ZNF736: variants seen among roughly 807,000 people sequenced by gnomAD.
ZNF736 encodes the protein KRAB-containing zinc-finger repressor protein.
Under a neutral mutation model 11.7 loss-of-function variants are expected in ZNF736, and 6 were observed. The ratio of observed to expected loss-of-function variants is 0.51; its 90% CI spans 0.28 to 1.01. ZNF736 has a LOEUF of 1.01. Ranked by LOEUF, ZNF736 falls within the 50% of genes least tolerant of loss-of-function variation. The pLI, the probability that ZNF736 is intolerant of heterozygous loss-of-function variation, is 0.09. For missense variants in ZNF736, 444 were observed against 496.0 expected (o/e 0.90, Z 1.00); for synonymous variants, 139 against 164.7 (o/e 0.84, Z 1.19).
At chr7:64,320,227 G>A (rs535248278) in intron 1 of ZNF736, among the ~76,000 whole-genome samples, 88 of 152,272 alleles carry the variant, frequency 5.8e-4, no homozygotes, top group African/African-American at 1.9e-3. Flanking sequence ...CTGCAAGTGG[G>A]TTGCAATCTA....
chr7:64,340,707 T>C (rs1455103746), intron 3 of ZNF736, among the ~76,000 whole-genome samples: 2 of 152,172 alleles, frequency 1.3e-5, no homozygotes, highest in Non-Finnish European at 2.9e-5. Context: ...ACCATGTCTG[T>C]CAACATAATG....
At position 64,350,332 on chromosome 7, in the gene ZNF736, T is replaced by C. The variant is rs1450738908; in HGVS notation, c.*1185T>C. The C allele has an allele frequency of 1.3e-5, 2 of 152,238 alleles. No homozygotes were observed. The highest frequency in any genetic ancestry group is 2.4e-5 in the African/African-American group (1 of 41,466). The allele number at this position is 152,238 out of a possible 1,614,324, so 9.4% of individuals were successfully genotyped here. A position where few individuals can be genotyped will look rare whatever the true frequency, so the allele number is the denominator to read the frequency against. ...GAGGCCCTGAGATTCTTTCCTCTGCTTGGCCTATTCTGCTGTTAATATATG... is the reference window on the plus strand; with the variant it reads ...GAGGCCCTGAGATTCTTTCCTCTGCCTGGCCTATTCTGCTGTTAATATATG... On this transcript the variant is annotated 3_prime_UTR_variant, in exon 4 of 4. Coordinates refer to ENST00000423484, the MANE Select transcript of ZNF736 (RefSeq NM_001170905.3).
chr7:64,336,694 A>G (rs187981179), intron 2 of ZNF736, among the ~76,000 whole-genome samples, 193 bp from the exon 3 acceptor site: 17 of 152,330 alleles, frequency 1.1e-4, no homozygotes, highest in East Asian at 3.9e-4. Flanking sequence ...ATTCAGTATT[A>G]CTGGGTAATA....
chr7:64,353,128 CTTGGTGAAG>C lies in ZNF736; in HGVS notation c.*3983_*3991del, dbSNP rs1427532220. On this transcript the variant is annotated 3_prime_UTR_variant, in exon 4 of 4. Coordinates refer to ENST00000423484, the MANE Select transcript of ZNF736 (RefSeq NM_001170905.3). ...TAGCTCTGTGTGTTAAACTGAAGGC[CTTGGTGAAG>C]TGGGTTCATGAGGGTATCTCCTCAC... is the stretch of plus-strand genomic sequence containing the variant. 5.3e-5 allele frequency: 8 copies of C among 152,142 alleles called. No individual in the cohort carries two copies. The highest frequency in any genetic ancestry group is 1.9e-4 in the African/African-American group (8 of 41,412). The allele number at this position is 152,142 out of a possible 1,614,324, so 9.4% of individuals were successfully genotyped here.
At chr7:64,337,786 C>CTTTTTTTTTTT in intron 3 of ZNF736, among the ~76,000 whole-genome samples, 1 of 93,126 alleles carries the variant, frequency 1.1e-5, no homozygotes, top group Non-Finnish European at 2.1e-5. Flanking sequence ...CAGAGTTTTG[C>CTTTTTTTTTTT]TCTTGTTGCC....
chr7:64,336,486 CCTG>C (rs1479125065), intron 2 of ZNF736, 101 bp downstream of exon 2: 4 of 1,305,706 alleles, frequency 3.1e-6, no homozygotes, highest in Admixed American at 6.3e-5. Context: ...GTTTCAGAAT[CCTG>C]CTTCAAAAAG....
chr7:64,344,944 A>T (rs1789387158), intron 3 of ZNF736, among the ~76,000 whole-genome samples: 1 of 148,740 alleles, frequency 6.7e-6, no homozygotes, highest in African/African-American at 2.5e-5. Flanking sequence ...CAGGCTTTTC[A>T]TGTTACCTTG....
chr7:64,344,687 A>C (rs776294), intron 3 of ZNF736, among the ~76,000 whole-genome samples: 148,513 of 152,268 alleles, frequency 0.98, 72,501 homozygotes, highest in Non-Finnish European at 1. Context: ...TTTATCGATT[A>C]ATTTGGTAAG....
At chr7:64,334,938 A>G (rs979764040) in intron 1 of ZNF736, among the ~76,000 whole-genome samples, 1 of 152,230 alleles carries the variant, frequency 6.6e-6, no homozygotes, top group Non-Finnish European at 1.5e-5. Context: ...CATATACACC[A>G]TGGAATACTA....
rs1196129977 is a variant in ZNF736, at chr7:64,328,485, G to T, written c.4-7774G>T. Reference sequence around the variant, plus strand: ...TAAAGATCTTCAGGTAGTCGGCCGGGCGCGGTGGCTCACGCCTGTAATCCC... The same window carrying T: ...TAAAGATCTTCAGGTAGTCGGCCGGTCGCGGTGGCTCACGCCTGTAATCCC... On this transcript the variant is annotated intron_variant, in intron 1 of 3. Transcript: ENST00000423484. 2.0e-5 allele frequency among the ~76,000 whole-genome samples: 3 copies of T among 152,102 alleles called. No individual in the cohort carries two copies. In the East Asian group the frequency reaches 5.8e-4, roughly 29 times the overall value.
At chr7:64,321,420 A>T (rs1788999890) in intron 1 of ZNF736, among the ~76,000 whole-genome samples, 1 of 152,228 alleles carries the variant, frequency 6.6e-6, no homozygotes, top group South Asian at 2.1e-4. Context: ...TGTGTTTTTT[A>T]AAGCATGTTA....
At chr7:64,344,701 AG>A (rs1301231069) in intron 3 of ZNF736, among the ~76,000 whole-genome samples, 2 of 152,242 alleles carry the variant, frequency 1.3e-5, no homozygotes, top group African/African-American at 4.8e-5. Flanking sequence ...TGGTAAGGAA[AG>A]TTTAAATTGC....
At chr7:64,323,018 A>T (rs1308394575) in intron 1 of ZNF736, among the ~76,000 whole-genome samples, 1 of 150,712 alleles carries the variant, frequency 6.6e-6, no homozygotes, top group East Asian at 2.0e-4. Flanking sequence ...CTGTTTATGG[A>T]TTCCCTTCTT....
Position 64,350,938 on chromosome 7 carries a change from G to T in ZNF736, c.*1791G>T, listed in dbSNP as rs1789478222. ...GAGTTTGCGAGTTTGTGGGATGAAG[G>T]TGCCATAGCTGGAGCAGAGTGCTAG... On this transcript the variant is annotated 3_prime_UTR_variant, in exon 4 of 4. Coordinates refer to ENST00000423484, the MANE Select transcript of ZNF736 (RefSeq NM_001170905.3). The T allele has an allele frequency of 6.6e-6, 1 of 152,306 alleles. No homozygotes were observed. The highest frequency in any genetic ancestry group is 2.1e-4 in the South Asian group (1 of 4,828). The allele number at this position is 152,306 out of a possible 1,614,324, so 9.4% of individuals were successfully genotyped here.
intron 3 of ZNF736, among the ~76,000 whole-genome samples, chr7:64,344,297 T>A (rs577101821): frequency 2.0e-5 from 3 of 152,178 alleles, no homozygotes; most frequent in Non-Finnish European, 4.4e-5. Flanking sequence ...AGCAAAACTC[T>A]GTCTAAAAAA....
chr7:64,345,330 T>G (rs1356157247), intron 3 of ZNF736, among the ~76,000 whole-genome samples: 1 of 151,312 alleles, frequency 6.6e-6, no homozygotes, highest in Non-Finnish European at 1.5e-5. Flanking sequence ...CCAGGAAAAG[T>G]AAAATTGAAA....
chr7:64,325,023 C>G (rs899896240), intron 1 of ZNF736, among the ~76,000 whole-genome samples: 1 of 152,026 alleles, frequency 6.6e-6, no homozygotes, highest in African/African-American at 2.4e-5. Flanking sequence ...TGTCAATGGC[C>G]GAAGTGCCCC....
intron 1 of ZNF736, among the ~76,000 whole-genome samples, chr7:64,335,209 A>G (rs1789229237): frequency 1.3e-5 from 2 of 152,138 alleles, no homozygotes; most frequent in Non-Finnish European, 2.9e-5. Context: ...CTTAAAACCT[A>G]GATGACGGGT....
intron 1 of ZNF736, among the ~76,000 whole-genome samples, chr7:64,331,036 A>G (rs568776466): frequency 6.6e-6 from 1 of 152,298 alleles, no homozygotes; most frequent in African/African-American, 2.4e-5. Context: ...GTAATAATGC[A>G]GGCACTTTCT....
Sources: gnomAD v4.1 joint callset for allele counts (sites outside exome capture counted in the v4.1 genomes callset) on GRCh38, gnomAD v4.1.1 for gene constraint, MANE v1.5 for transcripts, NCBI Gene and HGNC (gene_info 2026-07-23, HGNC 2026-07-21) for gene names.